The following TRIM5 variants were observed in gnomAD, a reference collection of about 807,000 sequenced individuals.
TRIM5 encodes tripartite motif containing 5.
In TRIM5, 31 loss-of-function variants were observed where a neutral mutation model predicts 35.6. The ratio of observed to expected loss-of-function variants is 0.87; its 90% CI spans 0.65 to 1.18. The LOEUF (loss-of-function observed/expected upper bound fraction) is 1.18, where lower values mean the gene tolerates loss of function less well. Ranked by LOEUF, TRIM5 falls within the 50% of genes most tolerant of loss-of-function variation. The pLI, the probability that TRIM5 is intolerant of heterozygous loss-of-function variation, is 0.00. For synonymous variants in TRIM5, 243 were observed against 215.6 expected (o/e 1.13, Z -1.11); for missense variants, 609 against 591.6 (o/e 1.03, Z -0.31).
the TRIM5 span, chr11:5,634,612 C>G: frequency 6.2e-7 from 1 of 1,604,626 alleles, no homozygotes. Flanking sequence ...CTACAACTCT[C>G]TCTTGTCCAT....
chr11:5,606,441 A>G, the TRIM5 span, among the ~76,000 whole-genome samples: 1 of 152,186 alleles, frequency 6.6e-6, no homozygotes, highest in African/African-American at 2.4e-5. Flanking sequence ...TGTAACCTTC[A>G]GAGTGTAAGA....
At chr11:5,653,001 C>T in the TRIM5 span, among the ~76,000 whole-genome samples, 1 of 151,984 alleles carries the variant, frequency 6.6e-6, no homozygotes, top group Non-Finnish European at 1.5e-5. Context: ...TACAGGTGCC[C>T]ACCAGCATAC....
In TRIM5 at chr11:5,665,211, G is replaced by T; in HGVS notation, c.1080C>A (p.Tyr360Ter). The T allele has an allele frequency of 6.2e-7, 1 of 1,614,124 alleles. No individual in the cohort carries two copies. Among genetic ancestry groups the T allele is most frequent in the Non-Finnish European group, 8.5e-7 (1 of 1,180,012 alleles). The part of the protein sequence containing the change: ...GSQSITSGKH[Y>*]WEVDVSKKTA... ...TTTTCTTGGACACGTCTACCTCCCAGTAATGTTTCCCTGATGTGATACTTT... is the reference window on the plus strand; with the variant it reads ...TTTTCTTGGACACGTCTACCTCCCATTAATGTTTCCCTGATGTGATACTTT... The change falls in exon 8 of 8, where the codon TAC (tyrosine) becomes TAA (stop). Residue 360 changes from tyrosine to a stop codon, truncating the protein, a stop_gained. Coordinates refer to ENST00000380034, the MANE Select transcript of TRIM5 (RefSeq NM_033034.3). LOFTEE classifies it low-confidence loss of function (END_TRUNC).
chr11:5,681,300 G>A lies in TRIM5; in HGVS notation c.-61-1062C>T, dbSNP rs190422534. On this transcript the variant is annotated intron_variant, in intron 1 of 7. Transcript: ENST00000380034. ...GATGCAGATTTACTGGGAAAGAAGC[G>A]AATTTTTATTTCTGCGTACAGGGAG... is the stretch of plus-strand genomic sequence containing the variant. Among the ~76,000 whole-genome samples, 440 of 152,290 alleles carry A rather than the reference G, an allele frequency of 2.9e-3. 1 individual carries two copies. The highest frequency in any genetic ancestry group is 9.9e-3 in the African/African-American group (413 of 41,562).
intron 1 of TRIM5, among the ~76,000 whole-genome samples, chr11:5,681,412 G>C (rs1852438363): frequency 6.6e-6 from 1 of 152,156 alleles, no homozygotes; most frequent in Non-Finnish European, 1.5e-5. Flanking sequence ...TCTACGTATA[G>C]GTGTGCATTA....
At chr11:5,638,898 G>A in the TRIM5 span, among the ~76,000 whole-genome samples, 2 of 152,160 alleles carry the variant, frequency 1.3e-5, no homozygotes, top group Non-Finnish European at 2.9e-5. Flanking sequence ...GACCAACTCA[G>A]AGTTACAAAG....
the TRIM5 span, among the ~76,000 whole-genome samples, chr11:5,653,436 C>T: frequency 4.0e-5 from 6 of 151,410 alleles, no homozygotes; most frequent in African/African-American, 1.5e-4. Context: ...TCTCATCTAT[C>T]CTCCTTCTGG....
the TRIM5 span, among the ~76,000 whole-genome samples, chr11:5,608,831 T>A: frequency 1.3e-5 from 2 of 150,320 alleles, no homozygotes; most frequent in African/African-American, 4.9e-5. Context: ...TACACAGGAA[T>A]TTTCTTTGCC....
At position 5,665,234 on chromosome 11, in the gene TRIM5, T is replaced by C; in HGVS notation, c.1057A>G (p.Ser353Gly). ...NYCTGILGSQ[S>G]ITSGKHYWEV... The stretch of plus-strand genomic sequence containing the variant: ...CAGTAATGTTTCCCTGATGTGATAC[T>C]TTGAGAGCCCAGGATGCCAGTACAA... Residue 353 changes from serine (S) to glycine (G), a missense_variant, in exon 8 of 8, where the codon AGT (serine) becomes GGT (glycine). Coordinates refer to ENST00000380034, the MANE Select transcript of TRIM5 (RefSeq NM_033034.3). The C allele has an allele frequency of 6.2e-7, 1 of 1,614,240 alleles. No homozygotes were observed. The highest frequency in any genetic ancestry group is 8.5e-7 in the Non-Finnish European group (1 of 1,180,048).
At chr11:5,595,258 T>G in the TRIM5 span, 1 of 152,208 alleles carries the variant, frequency 6.6e-6, no homozygotes, top group Non-Finnish European at 1.5e-5. Context: ...GGGAGGAACT[T>G]TGACATTCTT....
chr11:5,657,242 A>C, the TRIM5 span, among the ~76,000 whole-genome samples: 1 of 151,986 alleles, frequency 6.6e-6, no homozygotes, highest in African/African-American at 2.4e-5. Context: ...GTTCTCACTT[A>C]TAAGTGGGAG....
rs1269160119 is a variant in TRIM5 at position 5,667,685 on chromosome 11, A to G, written c.767+4T>C. 2.5e-6 allele frequency: 4 copies of G among 1,613,690 alleles called. No homozygotes were observed. The highest frequency in any genetic ancestry group is 3.4e-6 in the Non-Finnish European group (4 of 1,179,838). On this transcript the variant is annotated splice_donor_region_variant and intron_variant, in intron 5 of 7. Transcript: ENST00000380034. ...AAGGACCATCTCTGTCCTCCCACACATACCTTTTTATGACGCCATCCACAC... is the reference window on the plus strand; with the variant it reads ...AAGGACCATCTCTGTCCTCCCACACGTACCTTTTTATGACGCCATCCACAC...
the TRIM5 span, among the ~76,000 whole-genome samples, chr11:5,606,932 G>A: frequency 1.3e-5 from 2 of 152,298 alleles, no homozygotes; most frequent in Non-Finnish European, 2.9e-5. Flanking sequence ...GGCCGAGCGC[G>A]GTGGCTCACG....
chr11:5,610,582 C>T, the TRIM5 span: 2 of 1,609,682 alleles, frequency 1.2e-6, no homozygotes, highest in East Asian at 4.5e-5. Flanking sequence ...GCCATGGCCT[C>T]TTTGGGCTGG....
chr11:5,632,508 T>G, the TRIM5 span: 4 of 1,614,004 alleles, frequency 2.5e-6, no homozygotes, highest in East Asian at 4.5e-5. Flanking sequence ...GTCCTGTGTG[T>G]GGTATCAGTT....
the TRIM5 span, among the ~76,000 whole-genome samples, chr11:5,648,514 A>C: frequency 6.6e-6 from 1 of 152,126 alleles, no homozygotes; most frequent in African/African-American, 2.4e-5. Context: ...TCAAAAAATA[A>C]ATAAATAAAT....
the TRIM5 span, among the ~76,000 whole-genome samples, chr11:5,653,259 A>T: frequency 2.4e-3 from 367 of 152,196 alleles, 4 homozygotes; most frequent in African/African-American, 8.4e-3. Context: ...GCTGTTGTGA[A>T]TGGGATTGCA....
chr11:5,604,354 C>A, the TRIM5 span, among the ~76,000 whole-genome samples: 6 of 152,276 alleles, frequency 3.9e-5, no homozygotes, highest in Middle Eastern at 6.8e-3. Context: ...ATCAGCCTAT[C>A]CCTGTTGGTT....
At chr11:5,651,954 T>G in the TRIM5 span, among the ~76,000 whole-genome samples, 1 of 152,192 alleles carries the variant, frequency 6.6e-6, no homozygotes, top group African/African-American at 2.4e-5. Flanking sequence ...TTTTGAGAAG[T>G]GTCTGTTCAT....
Sources: allele counts gnomAD v4.1 joint callset (sites outside exome capture counted in the v4.1 genomes callset), GRCh38; gene constraint gnomAD v4.1.1; transcripts MANE v1.5; gene names NCBI Gene and HGNC (gene_info 2026-07-23, HGNC 2026-07-21).